The following PRDM11 variants were observed in gnomAD, a reference collection of about 807,000 sequenced individuals.
The protein encoded by PRDM11 is PR domain-containing protein 11.
Under a neutral mutation model 97.8 loss-of-function variants are expected in PRDM11, and 20 were observed. The ratio of observed to expected loss-of-function variants is 0.20; its 90% CI spans 0.14 to 0.30. The LOEUF is 0.30. Ranked by LOEUF, PRDM11 falls within the 10% of genes least tolerant of loss-of-function variation. The probability of loss-of-function intolerance (pLI) is 1.00; values close to 1 mark genes in which losing one functional copy is unlikely to be tolerated. For missense variants in PRDM11, 1,139 were observed against 1,555.2 expected, an observed-to-expected ratio of 0.73 and a Z score of 4.50; for synonymous variants, 599 against 637.7, an observed-to-expected ratio of 0.94 and a Z score of 0.91.
rs190381873 is a variant in PRDM11 at position 45,137,563 on chromosome 11, C to G, written c.96+41662C>G. ...CCCAAGAGTTCCAGACCAACCTGGG[C>G]AACATGGCGAGACCTCCTCTCTACA... On this transcript the variant is annotated intron_variant, in intron 1 of 6. Transcript: ENST00000530656. Among the ~76,000 whole-genome samples the G allele has an allele frequency of 1.3e-3, 197 of 152,296 alleles. 1 individual carries two copies. The highest frequency in any genetic ancestry group is 4.5e-3 in the African/African-American group (188 of 41,560).
chr11:45,213,345 G>C (rs937525135), intron 5 of PRDM11: 12 of 454,702 alleles, frequency 2.6e-5, no homozygotes, highest in Admixed American at 1.2e-4. Flanking sequence ...TTGCAGGGAG[G>C]GGGGCGCAAC....
rs866911342 is a variant in PRDM11, at chr11:45,138,440, T to C, written c.96+42539T>C. 6.2e-4 allele frequency among the ~76,000 whole-genome samples: 95 copies of C among 152,264 alleles called. 1 individual carries two copies. Among genetic ancestry groups the C allele is most frequent in the South Asian group, 2.1e-4 (1 of 4,822 alleles). ...GAAATTAGACAGGTATGGCGGCATG[T>C]GCCTGTAGTCCCAGCTACTTAGGAG... On this transcript the variant is annotated intron_variant, in intron 1 of 6. Coordinates refer to the PRDM11 transcript ENST00000530656.
intron 1 of PRDM11, among the ~76,000 whole-genome samples, chr11:45,156,469 C>T (rs974443582): frequency 1.3e-5 from 2 of 152,342 alleles, no homozygotes; most frequent in African/African-American, 2.4e-5. Flanking sequence ...CAATGGAGAC[C>T]GTGGTCCGCA....
intron 1 of PRDM11, among the ~76,000 whole-genome samples, chr11:45,150,294 T>C (rs915943949): frequency 6.6e-6 from 1 of 152,218 alleles, no homozygotes; most frequent in African/African-American, 2.4e-5. Flanking sequence ...TTGGCCCACC[T>C]ACCTCTCCTT....
intron 1 of PRDM11, among the ~76,000 whole-genome samples, chr11:45,110,824 C>T (rs935193104): frequency 6.6e-6 from 1 of 152,200 alleles, no homozygotes. Context: ...AAACAAGAGG[C>T]GCCTTTCTTT....
At chr11:45,182,809 T>G in intron 3 of PRDM11, 52 bp from the exon 4 acceptor site, 1 of 1,522,002 alleles carries the variant, frequency 6.6e-7, no homozygotes. Flanking sequence ...CCCATGGGGG[T>G]CTTACCTCCC....
chr11:45,101,602 C>G (rs559616102), intron 1 of PRDM11, among the ~76,000 whole-genome samples: 1 of 133,420 alleles, frequency 7.5e-6, no homozygotes, highest in Non-Finnish European at 1.6e-5. Flanking sequence ...AAGAAGAAGG[C>G]GTTCAGGGCT....
At chr11:45,163,097 C>T (rs1300649565) in intron 1 of PRDM11, among the ~76,000 whole-genome samples, 3 of 152,186 alleles carry the variant, frequency 2.0e-5, no homozygotes, top group South Asian at 2.1e-4. Flanking sequence ...GCTGTCCACA[C>T]TGGAGCTCAG....
intron 1 of PRDM11, among the ~76,000 whole-genome samples, chr11:45,171,783 A>T (rs990727961): frequency 6.6e-6 from 1 of 152,216 alleles, no homozygotes; most frequent in South Asian, 2.1e-4. Context: ...GGAAGTGCAG[A>T]GGTAGCGTGG....
chr11:45,122,575 G>A (rs888088766), intron 1 of PRDM11, among the ~76,000 whole-genome samples: 4 of 147,454 alleles, frequency 2.7e-5, no homozygotes, highest in African/African-American at 7.6e-5. Context: ...CCACCTATGA[G>A]TGAGAACATG....
chr11:45,173,347 C>T lies in PRDM11; in HGVS notation c.-6-8414C>T, dbSNP rs375798236. On this transcript the variant is annotated intron_variant, in intron 1 of 7. Coordinates refer to ENST00000683152, the MANE Select transcript of PRDM11 (RefSeq NM_001384648.1). ...AACACATAAAAAAGTTCTGGCTGGG[C>T]GCGGTAGCTCACGCCTGTAATCCCA... 1.7e-4 allele frequency among the ~76,000 whole-genome samples: 26 copies of T among 152,186 alleles called. No homozygotes were observed. The East Asian group carries it at 2.7e-3, about 16-fold the overall frequency.
intron 1 of PRDM11, among the ~76,000 whole-genome samples, chr11:45,158,672 C>T (rs1398280966): frequency 1.3e-5 from 2 of 152,150 alleles, no homozygotes; most frequent in South Asian, 4.1e-4. Context: ...GCCTCCCTGA[C>T]GGGAGCTGGG....
At chr11:45,196,244 G>A (rs1853117253) in intron 4 of PRDM11, among the ~76,000 whole-genome samples, 1 of 152,082 alleles carries the variant, frequency 6.6e-6, no homozygotes, top group African/African-American at 2.4e-5. Flanking sequence ...TGAAGCATGA[G>A]GGTTTTGCTC....
At position 45,227,286 on chromosome 11, in the gene PRDM11, G is replaced by A. The variant is rs1409136964; in HGVS notation, c.2661G>A (p.Val887=). ...AGCTCATCTACTTCCTGCTGGACGT[G>A]ATTGCTGTGCTCTCGCGTCTGGCCT... The part of the protein sequence containing the change: ...SIKLIYFLLD[V]IAVLSRLAYI... Residue 887 remains valine (V), a synonymous_variant, in exon 8 of 8, where the codon GTG becomes GTA. Transcript: ENST00000683152. The surrounding 1 kb of genome is among the most constrained non-coding windows in gnomAD (Gnocchi z 8.0). 18 of 1,533,974 alleles carry A rather than the reference G, an allele frequency of 1.2e-5. No individual in the cohort carries two copies. The highest frequency in any genetic ancestry group is 1.6e-5 in the Non-Finnish European group (18 of 1,146,732).
At chr11:45,173,181 G>A (rs546499889) in intron 1 of PRDM11, among the ~76,000 whole-genome samples, 21 of 152,218 alleles carry the variant, frequency 1.4e-4, no homozygotes, top group Admixed American at 6.5e-4. Context: ...CTGGTGCTGG[G>A]CAAAGGCTCG....
At chr11:45,215,969 G>T (rs73466442) in intron 5 of PRDM11, 1 of 152,528 alleles carries the variant, frequency 6.6e-6, no homozygotes, top group East Asian at 1.9e-4. Context: ...TTTTCTTTGC[G>T]TTAGAAACAA....
At chr11:45,177,805 A>G (rs1852364860) in intron 1 of PRDM11, among the ~76,000 whole-genome samples, 2 of 152,184 alleles carry the variant, frequency 1.3e-5, no homozygotes, top group Non-Finnish European at 2.9e-5. Context: ...GAATTGAATG[A>G]AGAACTCAAT....
chr11:45,110,302 C>CA (rs5791676), intron 1 of PRDM11, among the ~76,000 whole-genome samples: 3,827 of 152,244 alleles, frequency 0.025, 169 homozygotes, highest in African/African-American at 0.088. Flanking sequence ...GCCCTGAGTA[C>CA]ATGCCCTTAC....
At chr11:45,182,104 A>C in intron 2 of PRDM11, 142 bp from the exon 3 acceptor site, 1 of 760,774 alleles carries the variant, frequency 1.3e-6, no homozygotes, top group Non-Finnish European at 2.2e-6. Flanking sequence ...CACCTCCTGC[A>C]CTGAACAGCA....
Sources: allele counts gnomAD v4.1 joint callset (sites outside exome capture counted in the v4.1 genomes callset), GRCh38; gene constraint gnomAD v4.1.1; non-coding constraint Gnocchi (gnomAD v3.1); transcripts MANE v1.5; gene names NCBI Gene and HGNC (gene_info 2026-07-23, HGNC 2026-07-21).